The following SLC36A1 variants were observed in gnomAD, a reference collection of about 807,000 sequenced individuals.
SLC36A1 encodes the protein solute carrier family 36 member 1.
Under a neutral mutation model 47.5 loss-of-function variants are expected in SLC36A1, and 30 were observed. That is an observed-to-expected ratio of 0.63 (90% CI 0.47 to 0.86). The LOEUF (loss-of-function observed/expected upper bound fraction) is 0.86, where lower values mean the gene tolerates loss of function less well. Ranked by LOEUF, SLC36A1 falls within the 40% of genes least tolerant of loss-of-function variation. The probability of loss-of-function intolerance (pLI) is 0.00; values close to 1 mark genes in which losing one functional copy is unlikely to be tolerated. For missense variants in SLC36A1, 517 were observed against 606.0 expected, an observed-to-expected ratio of 0.85 and a Z score of 1.54; for synonymous variants, 255 against 249.7, an observed-to-expected ratio of 1.02 and a Z score of -0.20.
At chr5:151,396,079 G>A in the SLC36A1 span, among the ~76,000 whole-genome samples, 3 of 151,730 alleles carry the variant, frequency 2.0e-5, no homozygotes, top group African/African-American at 7.3e-5. Flanking sequence ...CAAAGTGCTG[G>A]GATTACAGGC....
the SLC36A1 span, chr5:151,526,011 G>T: frequency 3.2e-6 from 5 of 1,582,976 alleles, no homozygotes; most frequent in South Asian, 4.5e-5. Flanking sequence ...AATGAGTCCC[G>T]GTCCTTCCTT....
chr5:151,483,042 C>CAATAAA (rs573045619), intron 10 of SLC36A1, among the ~76,000 whole-genome samples: 3 of 151,830 alleles, frequency 2.0e-5, no homozygotes, highest in Non-Finnish European at 2.9e-5. Context: ...ATCTCAAAAA[C>CAATAAA]AATAAAAATA....
the SLC36A1 span, among the ~76,000 whole-genome samples, chr5:151,373,764 G>C: frequency 6.6e-6 from 1 of 151,990 alleles, no homozygotes; most frequent in African/African-American, 2.4e-5. Context: ...TTAGAGACAG[G>C]GTCTTGCTCT....
chr5:151,430,331 A>ATTTTT, the SLC36A1 span, among the ~76,000 whole-genome samples: 3 of 117,540 alleles, frequency 2.6e-5, no homozygotes, highest in Admixed American at 8.4e-5. Context: ...CACCTGGCTA[A>ATTTTT]TTTTTTTTTT....
At chr5:151,380,406 G>A in the SLC36A1 span, 1 of 393,256 alleles carries the variant, frequency 2.5e-6, no homozygotes, top group Admixed American at 3.2e-5. Flanking sequence ...AGAGCGTGTG[G>A]AAACCCAAAG....
chr5:151,476,030 G>C (rs959675475), intron 8 of SLC36A1, among the ~76,000 whole-genome samples: 5 of 152,240 alleles, frequency 3.3e-5, no homozygotes, highest in Admixed American at 6.5e-5. Flanking sequence ...CTGGAAACTG[G>C]GCATTGTTAA....
chr5:151,534,310 C>T, the SLC36A1 span: 24 of 879,868 alleles, frequency 2.7e-5, no homozygotes, highest in East Asian at 5.4e-5. Context: ...AAGGAGGCAC[C>T]GCCCTTACCA....
At chr5:151,407,262 G>A in the SLC36A1 span, among the ~76,000 whole-genome samples, 1 of 152,202 alleles carries the variant, frequency 6.6e-6, no homozygotes, top group Admixed American at 6.5e-5. Context: ...CCCTTATTTG[G>A]CCCTACCCAC....
At chr5:151,486,992 G>A (rs781279932) in intron 10 of SLC36A1, among the ~76,000 whole-genome samples, 1 of 152,212 alleles carries the variant, frequency 6.6e-6, no homozygotes, top group African/African-American at 2.4e-5. Context: ...CTATGATTCA[G>A]GAGCAGTTAA....
Position 151,467,309 on chromosome 5 carries a change from A to G in SLC36A1, c.504+26A>G, listed in dbSNP as rs533333141. 8.0e-5 allele frequency: 113 copies of G among 1,404,480 alleles called. 1 individual carries two copies. In the South Asian group the frequency reaches 1.3e-3, roughly 17 times the overall value. The allele number at this position is 1,404,480 out of a possible 1,614,324, so 87.0% of individuals were successfully genotyped here. A position where few individuals can be genotyped will look rare whatever the true frequency, so the allele number is the denominator to read the frequency against. Reference sequence around the variant, plus strand: ...GTAGGCACCTGGTTAAAAAAGAAAAAAAAAAAAAAAACCAGAGCGAGAATG... The same window carrying G: ...GTAGGCACCTGGTTAAAAAAGAAAAGAAAAAAAAAAACCAGAGCGAGAATG... On this transcript the variant is annotated intron_variant, in intron 6 of 10. Coordinates refer to ENST00000243389, the MANE Select transcript of SLC36A1 (RefSeq NM_078483.4).
At chr5:151,422,480 T>C in the SLC36A1 span, among the ~76,000 whole-genome samples, 2 of 152,172 alleles carry the variant, frequency 1.3e-5, no homozygotes, top group Admixed American at 6.5e-5. Context: ...CTTTGGGAAG[T>C]GGAGGCAGGA....
chr5:151,379,242 C>T, the SLC36A1 span, among the ~76,000 whole-genome samples: 1 of 152,230 alleles, frequency 6.6e-6, no homozygotes, highest in East Asian at 1.9e-4. Context: ...AACGTTGGCC[C>T]TCCTGCTGCC....
the SLC36A1 span, among the ~76,000 whole-genome samples, chr5:151,429,599 T>A: frequency 1.3e-5 from 2 of 152,046 alleles, no homozygotes; most frequent in Non-Finnish European, 2.9e-5. Flanking sequence ...CAGTCTATCA[T>A]TGTTACCTAT....
intron 10 of SLC36A1, among the ~76,000 whole-genome samples, chr5:151,485,768 G>A (rs1012373345): frequency 6.6e-6 from 1 of 152,296 alleles, no homozygotes; most frequent in South Asian, 2.1e-4. Flanking sequence ...TCTCTGCTGG[G>A]TACCACTAGA....
chr5:151,544,270 G>A, the SLC36A1 span: 43 of 1,614,112 alleles, frequency 2.7e-5, no homozygotes, highest in African/African-American at 5.2e-4. Context: ...GGTCTGAGCA[G>A]GCAAGCCTTC....
chr5:151,422,178 C>T, the SLC36A1 span: 4 of 152,334 alleles, frequency 2.6e-5, no homozygotes, highest in South Asian at 4.1e-4. Context: ...GACACCCACA[C>T]GGTGCATGGC....
chr5:151,434,891 T>C (rs575507241), upstream of SLC36A1, among the ~76,000 whole-genome samples: 12 of 152,214 alleles, frequency 7.9e-5, no homozygotes, highest in African/African-American at 2.9e-4. Context: ...AATAAATGTT[T>C]GTTGTTTAAG....
chr5:151,521,630 G>A, the SLC36A1 span: 2 of 1,614,002 alleles, frequency 1.2e-6, no homozygotes, highest in South Asian at 2.2e-5. Flanking sequence ...TTATGGCTGA[G>A]GAACCTCTGC....
the SLC36A1 span, among the ~76,000 whole-genome samples, chr5:151,351,555 T>TG: frequency 2.0e-5 from 3 of 152,166 alleles, no homozygotes; most frequent in Non-Finnish European, 2.9e-5. Flanking sequence ...TGAACGGGAA[T>TG]GGGGTCTCTC....
Sources: gnomAD v4.1 joint callset for allele counts (sites outside exome capture counted in the v4.1 genomes callset) on GRCh38, gnomAD v4.1.1 for gene constraint, MANE v1.5 for transcripts, NCBI Gene and HGNC (gene_info 2026-07-23, HGNC 2026-07-21) for gene names.